Variants in GALNT11 observed in about 807,000 individuals in gnomAD.
GALNT11 encodes the protein UDP-GalNAc:polypeptide N-acetylgalactosaminyltransferase 11.
In GALNT11, 47 loss-of-function variants were observed where a neutral mutation model predicts 72.7. That is an observed-to-expected ratio of 0.65 (90% CI 0.51 to 0.82). GALNT11 has a LOEUF of 0.82. Ranked by LOEUF, GALNT11 falls within the 40% of genes least tolerant of loss-of-function variation. GALNT11 has a pLI of 0.00. For synonymous variants in GALNT11, 270 were observed against 286.6 expected (o/e 0.94, Z 0.58); for missense variants, 677 against 778.4 (o/e 0.87, Z 1.55).
At chr7:152,120,758 G>T in intron 10 of GALNT11, 73 bp from the exon 11 acceptor site, 1 of 1,295,332 alleles carries the variant, frequency 7.7e-7, no homozygotes. Flanking sequence ...GAATCAATAT[G>T]TGGAAGAATA....
intron 8 of GALNT11, among the ~76,000 whole-genome samples, chr7:152,113,769 C>CTTTTTTTTTTT: frequency 1.0e-5 from 1 of 97,774 alleles, no homozygotes; most frequent in Non-Finnish European, 2.0e-5. Context: ...CAGGGTCTTG[C>CTTTTTTTTTTT]TTTGTCACCC....
intron 1 of GALNT11, among the ~76,000 whole-genome samples, chr7:152,063,223 TTTC>T (rs1481786669): frequency 6.6e-6 from 1 of 152,220 alleles, no homozygotes; most frequent in African/African-American, 2.4e-5. Flanking sequence ...AATTTATCCA[TTTC>T]TTCTAGATTT....
chr7:152,103,077 A>T, intron 3 of GALNT11, 35 bp from the exon 4 acceptor site: 2 of 1,575,772 alleles, frequency 1.3e-6, no homozygotes, highest in South Asian at 2.2e-5. Flanking sequence ...CGAGCCTTTT[A>T]AAATGTCAGA....
intron 1 of GALNT11, among the ~76,000 whole-genome samples, chr7:152,028,272 TAGAGTGCTGATTGCTCTGTTTTAC>T (rs1404158829): frequency 1.3e-5 from 2 of 152,334 alleles, no homozygotes; most frequent in Admixed American, 6.5e-5. Context: ...TAGTCCATTT[TAGAGTGCTGATTGCTCTGTTTTAC>T]AGAGTGCTGA....
In GALNT11 at chr7:152,117,354, C is replaced by G. The variant is rs2088963074; in HGVS notation, c.1431C>G (p.Pro477=). The G allele has an allele frequency of 3.7e-6, 6 of 1,614,146 alleles. No homozygotes were observed. Among genetic ancestry groups the G allele is most frequent in the Non-Finnish European group, 5.1e-6 (6 of 1,180,018 alleles). Residue 477 remains proline (P), a synonymous_variant, in exon 9 of 12, where the codon CCC becomes CCG. Transcript: ENST00000430044. ...TTGTCAATAGAGGGCCAAAACGACC[C>G]AAAGTCCTTCAACGTGGAAGGGTAA... ...PIFVNRGPKR[P]KVLQRGRLYH...
chr7:152,051,216 T>G (rs916666401), intron 1 of GALNT11, among the ~76,000 whole-genome samples: 2 of 148,722 alleles, frequency 1.3e-5, no homozygotes, highest in Non-Finnish European at 3.0e-5. Context: ...TTTTTTTTTT[T>G]TTTTTTTTTT....
intron 1 of GALNT11, among the ~76,000 whole-genome samples, chr7:152,041,621 C>A (rs1282015990): frequency 6.6e-6 from 1 of 152,202 alleles, no homozygotes. Context: ...TGGATCTATT[C>A]TATTTGAGCT....
intron 8 of GALNT11, among the ~76,000 whole-genome samples, chr7:152,116,297 C>T (rs1222103588): frequency 6.6e-6 from 1 of 152,152 alleles, no homozygotes; most frequent in Non-Finnish European, 1.5e-5. Context: ...GTTGCCCAGG[C>T]TGTAGTGCAG....
At chr7:152,117,669 T>C (rs1361032678) in intron 9 of GALNT11, 4 of 354,082 alleles carry the variant, frequency 1.1e-5, no homozygotes, top group Non-Finnish European at 2.0e-5. Context: ...CATGGAAGTG[T>C]CAACTTCGTG....
intron 1 of GALNT11, among the ~76,000 whole-genome samples, chr7:152,060,696 TC>T (rs2083955661): frequency 6.6e-6 from 1 of 151,968 alleles, no homozygotes; most frequent in Non-Finnish European, 1.5e-5. Context: ...ATTGTTCAAT[TC>T]CCACCTATGA....
chr7:152,036,535 C>G (rs755680519), intron 1 of GALNT11, among the ~76,000 whole-genome samples: 3 of 152,238 alleles, frequency 2.0e-5, no homozygotes, highest in Admixed American at 6.5e-5. Flanking sequence ...CTATTGTGAA[C>G]AGTGCTGCAG....
intron 6 of GALNT11, among the ~76,000 whole-genome samples, chr7:152,109,095 A>G (rs1044130038): frequency 2.6e-5 from 4 of 152,256 alleles, no homozygotes; most frequent in Non-Finnish European, 4.4e-5. Context: ...CAGTATTCAC[A>G]CAGGCTTGCC....
rs537488773 is a variant in GALNT11 at position 152,061,692 on chromosome 7, T to C, written c.-38-32498T>C. On this transcript the variant is annotated intron_variant, in intron 1 of 11. Coordinates refer to ENST00000430044, the MANE Select transcript of GALNT11 (RefSeq NM_022087.4). ...GGATCCAGTTTCAGCTTTCTACTTA[T>C]GGCTAGCCAGTTTTCCCAGCACCAT... Among the ~76,000 whole-genome samples, 172 of 151,230 alleles carry C rather than the reference T, an allele frequency of 1.1e-3. 2 individuals carry two copies. The highest frequency in any genetic ancestry group is 4.0e-3 in the African/African-American group (165 of 41,058).
chr7:152,087,306 G>A (rs76553650), intron 1 of GALNT11, among the ~76,000 whole-genome samples: 3,119 of 152,234 alleles, frequency 0.02, 107 homozygotes, highest in African/African-American at 0.07. Context: ...GAAGATATTC[G>A]AGCAAAGATT....
intron 1 of GALNT11, among the ~76,000 whole-genome samples, chr7:152,077,012 C>T (rs572069695): frequency 6.6e-6 from 1 of 152,284 alleles, no homozygotes; most frequent in Admixed American, 6.5e-5. Context: ...ATCGCTTGAG[C>T]CCAGGAGTTG....
rs546454494 is a variant in GALNT11, at chr7:152,025,823, G to A, written c.-100G>A. The A allele has an allele frequency of 2.2e-3, 619 of 278,770 alleles. 4 individuals carry two copies. Among genetic ancestry groups the A allele is most frequent in the Middle Eastern group, 6.0e-3 (11 of 1,834 alleles). 17.3% of individuals were successfully genotyped at this position (278,770 alleles called of 1,614,324 possible). A position where few individuals can be genotyped will look rare whatever the true frequency, so the allele number is the denominator to read the frequency against. On this transcript the variant is annotated 5_prime_UTR_variant, in exon 1 of 12. Coordinates refer to ENST00000430044, the MANE Select transcript of GALNT11 (RefSeq NM_022087.4). ...CTGCGGGTCGGACTGGGGCTGTGGCGGGAGAGAAGATGCCGCAGCCCGAGT... is the reference window on the plus strand; with the variant it reads ...CTGCGGGTCGGACTGGGGCTGTGGCAGGAGAGAAGATGCCGCAGCCCGAGT...
At chr7:152,037,258 C>T (rs552648338) in intron 1 of GALNT11, among the ~76,000 whole-genome samples, 1 of 152,156 alleles carries the variant, frequency 6.6e-6, no homozygotes, top group Non-Finnish European at 1.5e-5. Flanking sequence ...AGATAGGGAT[C>T]TAGTTTCATT....
intron 2 of GALNT11, among the ~76,000 whole-genome samples, chr7:152,100,184 T>C (rs889622774): frequency 6.6e-6 from 1 of 152,162 alleles, no homozygotes; most frequent in South Asian, 2.1e-4. Context: ...ACTGGGGTTC[T>C]AAAATCTATT....
chr7:152,087,618 T>A (rs1738789081), intron 1 of GALNT11, among the ~76,000 whole-genome samples: 2 of 152,250 alleles, frequency 1.3e-5, no homozygotes, highest in African/African-American at 2.4e-5. Flanking sequence ...TGTTCAGTTT[T>A]TACTATATTC....
Sources: allele counts gnomAD v4.1 joint callset (sites outside exome capture counted in the v4.1 genomes callset), GRCh38; gene constraint gnomAD v4.1.1; transcripts MANE v1.5; gene names NCBI Gene and HGNC (gene_info 2026-07-23, HGNC 2026-07-21).